Variants in NELL1 observed in about 807,000 individuals in gnomAD.
NELL1 encodes the protein protein kinase C-binding protein NELL1.
A neutral mutation model predicts 107.4 loss-of-function variants in NELL1; 76 were observed. The ratio of observed to expected loss-of-function variants is 0.71; its 90% CI spans 0.59 to 0.86. NELL1 has a LOEUF of 0.86. Among genes scored for constraint, NELL1 ranks in the 40% least tolerant of loss-of-function variants. The pLI is 0.00. For missense variants in NELL1, 1,024 were observed against 1,005.5 expected (o/e 1.02, Z -0.25); for synonymous variants, 353 against 341.2 (o/e 1.03, Z -0.38).
intron 15 of NELL1, among the ~76,000 whole-genome samples, chr11:21,404,011 C>CA (rs959950967): frequency 5.5e-5 from 6 of 109,574 alleles, no homozygotes; most frequent in Admixed American, 2.8e-4. Flanking sequence ...CTGAACCCCC[C>CA]CCCCCGCAAT....
intron 15 of NELL1, among the ~76,000 whole-genome samples, chr11:21,428,944 T>C (rs1852899110): frequency 6.6e-6 from 1 of 152,200 alleles, no homozygotes; most frequent in African/African-American, 2.4e-5. Flanking sequence ...TTAGCATTGC[T>C]AATGGCATTT....
At chr11:20,709,854 C>G (rs1855068079) in intron 2 of NELL1, among the ~76,000 whole-genome samples, 1 of 152,064 alleles carries the variant, frequency 6.6e-6, no homozygotes, top group East Asian at 1.9e-4. Flanking sequence ...TCAGCTTTGT[C>G]ATTGTTGGTG....
intron 15 of NELL1, among the ~76,000 whole-genome samples, chr11:21,403,978 G>T (rs1354095996): frequency 4.7e-5 from 7 of 149,496 alleles, no homozygotes; most frequent in South Asian, 2.1e-4. Context: ...TGATCAATGT[G>T]GCGGAAAATA....
At chr11:20,874,583 G>T (rs1269820593) in intron 4 of NELL1, among the ~76,000 whole-genome samples, 1 of 152,190 alleles carries the variant, frequency 6.6e-6, no homozygotes, top group Non-Finnish European at 1.5e-5. Flanking sequence ...GCCTATAGGA[G>T]GTGCTAACTC....
chr11:20,928,324 G>A (rs1357573263), intron 8 of NELL1, 53 bp from the exon 9 acceptor site: 2 of 1,468,428 alleles, frequency 1.4e-6, no homozygotes, highest in African/African-American at 2.8e-5. Context: ...CTCCACAACA[G>A]GAGCTATCAA....
chr11:20,699,036 G>C (rs1174571545), intron 2 of NELL1, among the ~76,000 whole-genome samples: 1 of 152,034 alleles, frequency 6.6e-6, no homozygotes, highest in Non-Finnish European at 1.5e-5. Flanking sequence ...GGCCAACATG[G>C]TGAAACCCTG....
intron 11 of NELL1, 38 bp downstream of exon 11, chr11:20,947,473 G>A: frequency 6.9e-7 from 1 of 1,455,740 alleles, no homozygotes. Context: ...GTGGGGTGAG[G>A]CTGGGGCTGG....
At chr11:21,008,577 G>GA (rs1852380418) in intron 12 of NELL1, among the ~76,000 whole-genome samples, 1 of 152,028 alleles carries the variant, frequency 6.6e-6, no homozygotes, top group Non-Finnish European at 1.5e-5. Context: ...GGTAAGTAAT[G>GA]AAAAATGTGT....
chr11:20,752,885 T>C (rs538946350), intron 2 of NELL1, among the ~76,000 whole-genome samples: 77 of 152,310 alleles, frequency 5.1e-4, no homozygotes, highest in Middle Eastern at 3.4e-3. Flanking sequence ...TAAGATCTTA[T>C]CATTAACTAT....
At position 21,570,959 on chromosome 11, in the gene NELL1, T is replaced by A. The variant is rs1383930567; in HGVS notation, c.2157+19T>A. 1 of 1,607,426 alleles carries A rather than the reference T, an allele frequency of 6.2e-7. No individual in the cohort carries two copies. Among genetic ancestry groups the A allele is most frequent in the Non-Finnish European group, 8.5e-7 (1 of 1,175,876 alleles). ...GTGTCTGGTATGTTGGCTTCCTTTA[T>A]AAGGTGTTGAGCCTTTACTCTGAAA... On this transcript the variant is annotated intron_variant, in intron 18 of 19. Transcript: ENST00000357134.
At chr11:21,516,925 C>T (rs78715423) in intron 15 of NELL1, among the ~76,000 whole-genome samples, 20,377 of 151,604 alleles carry the variant, frequency 0.13, 1,486 homozygotes, top group Admixed American at 0.2. Context: ...CTACCTCAGC[C>T]TCCCAGGGCG....
At chr11:20,877,383 C>T (rs1218539348) in intron 4 of NELL1, among the ~76,000 whole-genome samples, 1 of 152,204 alleles carries the variant, frequency 6.6e-6, no homozygotes, top group Non-Finnish European at 1.5e-5. Context: ...GAAATTCATT[C>T]TTTTATATAA....
rs75317816 is a variant in NELL1 at position 21,074,787 on chromosome 11, G to T, written c.1301-38802G>T. Among the ~76,000 whole-genome samples, 721 of 152,132 alleles carry T rather than the reference G, an allele frequency of 4.7e-3. 5 individuals carry two copies. The highest frequency in any genetic ancestry group is 0.016 in the African/African-American group (671 of 41,492). ...CAGGATAATTCTGATGTGCAGTCAA[G>T]CCTGAGAACCCCTGGAGAAAGACTA... is the stretch of plus-strand genomic sequence containing the variant. On this transcript the variant is annotated intron_variant, in intron 12 of 19. Coordinates refer to ENST00000357134, the MANE Select transcript of NELL1 (RefSeq NM_006157.5).
Position 21,383,015 on chromosome 11 carries a change from A to G in NELL1, c.1645+12067A>G, listed in dbSNP as rs368945578. On this transcript the variant is annotated intron_variant, in intron 15 of 19. Coordinates refer to ENST00000357134, the MANE Select transcript of NELL1 (RefSeq NM_006157.5). ...TACAAACTTTCCCTAGTAACTAGCC[A>G]TAAGTCTTTGTATCCAAGAATATGC... Among the ~76,000 whole-genome samples, 6 of 152,116 alleles carry G rather than the reference A, an allele frequency of 3.9e-5. 1 individual carries two copies. The highest frequency in any genetic ancestry group is 1.2e-4 in the African/African-American group (5 of 41,564).
At chr11:21,358,612 T>A (rs1850998206) in intron 14 of NELL1, among the ~76,000 whole-genome samples, 2 of 141,024 alleles carry the variant, frequency 1.4e-5, no homozygotes, top group Non-Finnish European at 3.1e-5. Flanking sequence ...AGATGGGGTT[T>A]TGCCATATTG....
At chr11:20,944,508 T>G (rs548578408) in intron 10 of NELL1, among the ~76,000 whole-genome samples, 17 of 152,338 alleles carry the variant, frequency 1.1e-4, no homozygotes, top group African/African-American at 3.6e-4. Flanking sequence ...AACTTGAAAG[T>G]GTATGTATTT....
intron 2 of NELL1, among the ~76,000 whole-genome samples, chr11:20,770,498 A>C (rs531510704): frequency 6.6e-6 from 1 of 152,310 alleles, no homozygotes; most frequent in African/African-American, 2.4e-5. Context: ...GTCCTTCCTG[A>C]GCACAAGGTT....
intron 15 of NELL1, among the ~76,000 whole-genome samples, chr11:21,513,569 A>G (rs1011985934): frequency 6.6e-6 from 1 of 152,178 alleles, no homozygotes; most frequent in Non-Finnish European, 1.5e-5. Context: ...AGTTTTCTCA[A>G]AGACATGCTT....
At chr11:21,159,541 G>A (rs1342588012) in intron 13 of NELL1, among the ~76,000 whole-genome samples, 1 of 152,144 alleles carries the variant, frequency 6.6e-6, no homozygotes, top group African/African-American at 2.4e-5. Flanking sequence ...AAATACAAAT[G>A]TCTATTGCAG....
Sources: gnomAD v4.1 joint callset for allele counts (sites outside exome capture counted in the v4.1 genomes callset) on GRCh38, gnomAD v4.1.1 for gene constraint, MANE v1.5 for transcripts, NCBI Gene and HGNC (gene_info 2026-07-23, HGNC 2026-07-21) for gene names.